NEK5: variants seen among roughly 807,000 people sequenced by gnomAD.
The protein encoded by NEK5 is NIMA related kinase 5, also known as serine/threonine-protein kinase Nek5.
NEK5 carries 88 observed loss-of-function variants against 109.2 expected under a neutral mutation model. The ratio of observed to expected loss-of-function variants is 0.81; its 90% CI spans 0.68 to 0.96. The LOEUF is 0.96. NEK5 is among the 40% of genes least tolerant of loss of function. The probability of loss-of-function intolerance (pLI) is 0.00; values close to 1 mark genes in which losing one functional copy is unlikely to be tolerated. For missense variants in NEK5, 834 were observed against 920.7 expected (o/e 0.91, Z 1.22); for synonymous variants, 283 against 299.9 (o/e 0.94, Z 0.58).
At chr13:52,057,624 G>T (rs957352919) in intron 22 of NEK5, among the ~76,000 whole-genome samples, 3 of 152,138 alleles carry the variant, frequency 2.0e-5, no homozygotes, top group African/African-American at 7.2e-5. Context: ...TTCAACCCTG[G>T]GATGCAAGGC....
At position 52,036,733 on chromosome 13, in the gene NEK5, T is replaced by C. The variant is rs1437208496; in HGVS notation, c.*215A>G. 6.2e-5 allele frequency: 10 copies of C among 161,110 alleles called. No individual in the cohort carries two copies. Among genetic ancestry groups the C allele is most frequent in the Non-Finnish European group, 9.2e-5 (7 of 76,188 alleles). 10.0% of individuals were successfully genotyped at this position (161,110 alleles called of 1,614,324 possible). On this transcript the variant is annotated 3_prime_UTR_variant, in exon 24 of 24. Transcript: ENST00000684899. The stretch of plus-strand genomic sequence containing the variant: ...TGCCTGCCTTGGCCTCCCAAAGTGA[T>C]GAGACTGCCCGGCCTAAGATTTCTT...
chr13:52,086,885 G>A (rs1955154402), intron 15 of NEK5, among the ~76,000 whole-genome samples: 1 of 152,208 alleles, frequency 6.6e-6, no homozygotes, highest in Non-Finnish European at 1.5e-5. Flanking sequence ...GCGACTGCAA[G>A]TAAAGAAATG....
In NEK5 at chr13:52,094,888, C is replaced by A. The variant is rs1230093561; in HGVS notation, c.1027-1653G>T. 2.6e-5 allele frequency among the ~76,000 whole-genome samples: 4 copies of A among 152,140 alleles called. No individual in the cohort carries two copies. The South Asian group carries it at 6.2e-4, about 24-fold the overall frequency. On this transcript the variant is annotated intron_variant, in intron 12 of 23. Transcript: ENST00000684899. ...AAAATTTAGTTCATTAATCTAAATA[C>A]AAATTATATGTTTATTTTTAAAATA...
intron 12 of NEK5, 33 bp downstream of exon 12, chr13:52,099,709 TA>T: frequency 6.2e-7 from 1 of 1,604,326 alleles, no homozygotes; most frequent in Non-Finnish European, 8.5e-7. Flanking sequence ...ATACCATAGC[TA>T]AAAAACACAA....
At chr13:52,100,933 T>G (rs1017342039) in intron 11 of NEK5, among the ~76,000 whole-genome samples, 1 of 152,204 alleles carries the variant, frequency 6.6e-6, no homozygotes, top group Non-Finnish European at 1.5e-5. Flanking sequence ...CTGTCATGGA[T>G]TCCTTTGAGA....
intron 20 of NEK5, among the ~76,000 whole-genome samples, chr13:52,070,269 G>A (rs1462414908): frequency 6.6e-6 from 1 of 152,202 alleles, no homozygotes; most frequent in Non-Finnish European, 1.5e-5. Flanking sequence ...AGCAGAATTA[G>A]GCCATGTAGT....
intron 21 of NEK5, among the ~76,000 whole-genome samples, chr13:52,063,767 A>G (rs1182960974): frequency 2.2e-5 from 3 of 138,454 alleles, no homozygotes; most frequent in African/African-American, 5.4e-5. Flanking sequence ...CGGCCACCCC[A>G]TCTGAGAAGT....
At chr13:52,080,889 T>TA (rs61101943) in intron 17 of NEK5, among the ~76,000 whole-genome samples, 48 of 133,678 alleles carry the variant, frequency 3.6e-4, no homozygotes, top group Middle Eastern at 3.9e-3. Flanking sequence ...AATGATCAAT[T>TA]AAAAAAAAAA....
chr13:52,044,268 A>AAT (rs765610423), intron 23 of NEK5, among the ~76,000 whole-genome samples: 42 of 152,238 alleles, frequency 2.8e-4, no homozygotes, highest in Non-Finnish European at 4.9e-4. Flanking sequence ...AGTTATACTT[A>AAT]ATAAACTCCC....
chr13:52,059,386 G>A lies in NEK5; in HGVS notation c.2110+2433C>T, dbSNP rs1287611440. Reference sequence around the variant, plus strand: ...GTAAACTAGTTCAACCATTGTGGAAGTCAGTGTGGCGATTCCTCAGGGATC... The same window carrying A: ...GTAAACTAGTTCAACCATTGTGGAAATCAGTGTGGCGATTCCTCAGGGATC... On this transcript the variant is annotated intron_variant, in intron 22 of 23. Transcript: ENST00000684899. 4.0e-5 allele frequency among the ~76,000 whole-genome samples: 4 copies of A among 101,012 alleles called. No individual in the cohort carries two copies. In the Admixed American group the frequency reaches 4.5e-4, roughly 11 times the overall value. The allele number at this position is 101,012 out of a possible 152,430, so 66.3% of individuals were successfully genotyped here.
intron 3 of NEK5, among the ~76,000 whole-genome samples, chr13:52,126,943 G>C (rs749680629): frequency 2.0e-5 from 3 of 152,212 alleles, no homozygotes; most frequent in Non-Finnish European, 2.9e-5. Flanking sequence ...ACAGAGAAAA[G>C]TCAGGGCAAC....
At chr13:52,122,603 C>T (rs999729323) in intron 3 of NEK5, among the ~76,000 whole-genome samples, 8 of 152,082 alleles carry the variant, frequency 5.3e-5, no homozygotes, top group Admixed American at 2.6e-4. Flanking sequence ...CCTGTTTCTA[C>T]TAAAAATACA....
chr13:52,127,630 G>A lies in NEK5; in HGVS notation c.-58C>T. 1.7e-6 allele frequency: 1 copy of A among 599,734 alleles called. No individual in the cohort carries two copies. Among genetic ancestry groups the A allele is most frequent in the East Asian group, 2.7e-5 (1 of 36,482 alleles). 37.2% of individuals were successfully genotyped at this position (599,734 alleles called of 1,614,324 possible). A position where few individuals can be genotyped will look rare whatever the true frequency, so the allele number is the denominator to read the frequency against. On this transcript the variant is annotated 5_prime_UTR_variant, in exon 2 of 24. Transcript: ENST00000684899. ...CTTTCCTCCCAGCCTTGCCAAGACA[G>A]AGACAAATAACTTTCTTTGTGGCCA...
chr13:52,080,796 T>C (rs1404623562), intron 17 of NEK5, among the ~76,000 whole-genome samples: 3 of 151,764 alleles, frequency 2.0e-5, no homozygotes, highest in Non-Finnish European at 4.4e-5. Context: ...CCAGAGACCT[T>C]TGTTCACTTG....
intron 17 of NEK5, among the ~76,000 whole-genome samples, chr13:52,080,493 G>C (rs940755127): frequency 2.0e-5 from 3 of 152,214 alleles, no homozygotes; most frequent in East Asian, 3.9e-4. Flanking sequence ...GATGGTTGCC[G>C]TGTCTGTGTA....
At chr13:52,091,221 T>C (rs1482467350) in intron 13 of NEK5, among the ~76,000 whole-genome samples, 1 of 151,916 alleles carries the variant, frequency 6.6e-6, no homozygotes, top group Non-Finnish European at 1.5e-5. Context: ...GTCAAAATAA[T>C]TGATAGCTTG....
chr13:52,040,367 G>A (rs1954403378), intron 23 of NEK5, among the ~76,000 whole-genome samples: 2 of 152,056 alleles, frequency 1.3e-5, no homozygotes, highest in Admixed American at 6.6e-5. Flanking sequence ...TTACAGGCGT[G>A]AGCCACTGCA....
chr13:52,109,858 T>G (rs189005294), intron 7 of NEK5, among the ~76,000 whole-genome samples: 5 of 152,306 alleles, frequency 3.3e-5, no homozygotes, highest in African/African-American at 9.6e-5. Context: ...ACCAAACCCA[T>G]GTACATCTAA....
At position 52,127,483 on chromosome 13, in the gene NEK5, G is replaced by C; in HGVS notation, c.-1C>G. On this transcript the variant is annotated 5_prime_UTR_variant, in exon 3 of 24. Transcript: ENST00000684899. ...CCTTAATCACATCGTACTTATCCAT[G>C]GTCTCCAATGGGCTGAGTTTCCTGG... The C allele has an allele frequency of 1.3e-6, 2 of 1,505,444 alleles. No individual in the cohort carries two copies. Among genetic ancestry groups the C allele is most frequent in the Non-Finnish European group, 1.8e-6 (2 of 1,081,514 alleles). 93.3% of individuals were successfully genotyped at this position (1,505,444 alleles called of 1,614,324 possible). A position where few individuals can be genotyped will look rare whatever the true frequency, so the allele number is the denominator to read the frequency against.
Sources: gnomAD v4.1 joint callset for allele counts (sites outside exome capture counted in the v4.1 genomes callset) on GRCh38, gnomAD v4.1.1 for gene constraint, MANE v1.5 for transcripts, NCBI Gene and HGNC (gene_info 2026-07-23, HGNC 2026-07-21) for gene names.